Variants in PCDHA10 observed in about 807,000 individuals in gnomAD.
PCDHA10 encodes the protein protocadherin alpha 10.
PCDHA10 carries 45 observed loss-of-function variants against 61.2 expected under a neutral mutation model. The observed-to-expected ratio is 0.74, with a 90% CI of 0.58 to 0.94. The LOEUF is 0.94. PCDHA10 is among the 40% of genes least tolerant of loss of function. PCDHA10 has a pLI of 0.00. For synonymous variants in PCDHA10, 602 were observed against 548.8 expected (o/e 1.10, Z -1.35); for missense variants, 1,278 against 1,236.2 (o/e 1.03, Z -0.51).
At chr5:140,909,772 A>T (rs2074681843) in intron 1 of PCDHA10, among the ~76,000 whole-genome samples, 1 of 152,166 alleles carries the variant, frequency 6.6e-6, no homozygotes, top group Non-Finnish European at 1.5e-5. Context: ...CCAGGGACCC[A>T]CTGGACCCAC....
chr5:141,009,745 A>G lies in PCDHA10; in HGVS notation c.2655A>G (p.Lys885=). The G allele has an allele frequency of 6.2e-7, 1 of 1,614,104 alleles. No individual in the cohort carries two copies. The highest frequency in any genetic ancestry group is 8.5e-7 in the Non-Finnish European group (1 of 1,180,006). The part of the protein sequence containing the change: ...KQSGPGELPD[K]FIIPGSPAII... ...CCGGTCCCGGTGAGTTGCCCGACAA[A>G]TTCATTATCCCAGGATCTCCTGCAA... Residue 885 remains lysine, a synonymous_variant, in exon 4 of 4, where the codon AAA becomes AAG. Coordinates refer to ENST00000307360, the MANE Select transcript of PCDHA10 (RefSeq NM_018901.4).
intron 1 of PCDHA10, among the ~76,000 whole-genome samples, chr5:140,962,883 T>C (rs570394633): frequency 5.6e-4 from 86 of 152,222 alleles, no homozygotes; most frequent in Non-Finnish European, 1.0e-3. Flanking sequence ...ATACATGAAT[T>C]AAAAAATGAA....
intron 1 of PCDHA10, among the ~76,000 whole-genome samples, chr5:140,892,806 A>G (rs1262963314): frequency 2.6e-5 from 4 of 152,228 alleles, no homozygotes; most frequent in African/African-American, 7.2e-5. Flanking sequence ...ATAGTTAACC[A>G]TATTTATCCT....
intron 1 of PCDHA10, among the ~76,000 whole-genome samples, chr5:140,975,411 G>A (rs868983297): frequency 6.6e-6 from 1 of 152,236 alleles, no homozygotes; most frequent in African/African-American, 2.4e-5. Flanking sequence ...CAGTCTTGGA[G>A]ACTATTCAGG....
chr5:140,937,089 G>A (rs2091320544), intron 1 of PCDHA10, among the ~76,000 whole-genome samples: 1 of 149,070 alleles, frequency 6.7e-6, no homozygotes, highest in African/African-American at 2.5e-5. Context: ...CCAGGCTGGA[G>A]TGCAGTGGCG....
At chr5:140,940,717 G>T (rs1554213570) in intron 1 of PCDHA10, among the ~76,000 whole-genome samples, 1 of 152,130 alleles carries the variant, frequency 6.6e-6, no homozygotes, top group African/African-American at 2.4e-5. Flanking sequence ...GCTGTGTGCT[G>T]TTTCAGCTGG....
chr5:140,871,799 T>C (rs1183689356), intron 1 of PCDHA10, among the ~76,000 whole-genome samples: 2 of 152,196 alleles, frequency 1.3e-5, no homozygotes, highest in Non-Finnish European at 2.9e-5. Context: ...AAATAATTAC[T>C]ATTTTCACTA....
At chr5:140,882,175 G>A in intron 1 of PCDHA10, 1 of 1,515,150 alleles carries the variant, frequency 6.6e-7, no homozygotes. Flanking sequence ...GAATCCTTCC[G>A]CACTAGGAAG....
chr5:140,870,355 T>C, intron 1 of PCDHA10: 7 of 1,614,110 alleles, frequency 4.3e-6, no homozygotes, highest in Non-Finnish European at 5.9e-6. Context: ...CGAGAACGTG[T>C]GGGCCTATGA....
intron 1 of PCDHA10, chr5:140,878,053 C>T (rs2057454277): frequency 2.2e-6 from 1 of 456,148 alleles, no homozygotes; most frequent in Non-Finnish European, 3.5e-6. Flanking sequence ...TGGAGCACCA[C>T]ACTTAATATT....
intron 3 of PCDHA10, among the ~76,000 whole-genome samples, chr5:140,985,949 C>T (rs1195801055): frequency 2.6e-5 from 4 of 152,032 alleles, no homozygotes; most frequent in African/African-American, 9.7e-5. Context: ...CTGTGTTAGC[C>T]AGGATGGTCT....
intron 1 of PCDHA10, among the ~76,000 whole-genome samples, chr5:140,970,414 A>G (rs2096403953): frequency 6.6e-6 from 1 of 152,224 alleles, no homozygotes; most frequent in South Asian, 2.1e-4. Context: ...CCCTACAGTA[A>G]GGTGTAGAGG....
chr5:140,947,035 A>T (rs2094072055), intron 1 of PCDHA10, among the ~76,000 whole-genome samples: 1 of 151,748 alleles, frequency 6.6e-6, no homozygotes, highest in Admixed American at 6.6e-5. Flanking sequence ...GGATATACTA[A>T]TTACCCTGAT....
intron 1 of PCDHA10, among the ~76,000 whole-genome samples, chr5:140,873,657 C>A (rs1270824058): frequency 6.6e-6 from 1 of 152,090 alleles, no homozygotes; most frequent in Non-Finnish European, 1.5e-5. Context: ...ACATAACACA[C>A]TATTATTATT....
intron 1 of PCDHA10, chr5:140,863,203 G>C: frequency 1.1e-6 from 1 of 948,504 alleles, no homozygotes; most frequent in Non-Finnish European, 1.6e-6. Flanking sequence ...GTCGCTGGCG[G>C]AGAGCAGCCA....
At chr5:140,927,581 C>T (rs1554204769) in intron 1 of PCDHA10, 1 of 1,614,150 alleles carries the variant, frequency 6.2e-7, no homozygotes, top group East Asian at 2.2e-5. Context: ...AATGACAACG[C>T]GCCTGTATTT....
Position 141,010,110 on chromosome 5 carries a change from A to C in PCDHA10, c.*173A>C. On this transcript the variant is annotated 3_prime_UTR_variant, in exon 4 of 4. Coordinates refer to ENST00000307360, the MANE Select transcript of PCDHA10 (RefSeq NM_018901.4). ...GAACGCATTTAACAGGTTTTGTCGT[A>C]AAAGCTTTACTAAGTCTGGTGTTAA... 6.2e-7 allele frequency: 1 copy of C among 1,611,166 alleles called. No individual in the cohort carries two copies. The highest frequency in any genetic ancestry group is 8.5e-7 in the Non-Finnish European group (1 of 1,178,396).
rs549678873 is a variant in PCDHA10, at chr5:140,877,710, G to GA, written c.2388+19275dup. ...CGCTGGTGTGCTCCAGCGCCGTGGG[G>GA]AGTTGGTCTTACTCGCAGCAGAGGA... is the stretch of plus-strand genomic sequence containing the variant. On this transcript the variant is annotated intron_variant, in intron 1 of 3. Transcript: ENST00000307360. 3.7e-5 allele frequency: 60 copies of GA among 1,614,098 alleles called. 1 individual carries two copies. The Admixed American group carries it at 8.2e-4, about 22-fold the overall frequency.
intron 1 of PCDHA10, chr5:140,860,966 T>A (rs2046677867): frequency 6.6e-6 from 1 of 152,238 alleles, no homozygotes; most frequent in African/African-American, 2.4e-5. Context: ...CTAGATCTCC[T>A]GACCTCGTGA....
Sources: allele counts gnomAD v4.1 joint callset (sites outside exome capture counted in the v4.1 genomes callset), GRCh38; gene constraint gnomAD v4.1.1; transcripts MANE v1.5; gene names NCBI Gene and HGNC (gene_info 2026-07-23, HGNC 2026-07-21).